ELOVL5: variants seen among roughly 807,000 people sequenced by gnomAD.
ELOVL5 encodes ELOVL fatty acid elongase 5, also known as very long chain fatty acid elongase 5.
Under a neutral mutation model 38.6 loss-of-function variants are expected in ELOVL5, and 8 were observed. The ratio of observed to expected loss-of-function variants is 0.21; its 90% CI spans 0.12 to 0.37. The LOEUF is 0.37. Ranked by LOEUF, ELOVL5 falls within the 10% of genes least tolerant of loss-of-function variation. The probability of loss-of-function intolerance (pLI) is 1.00; values close to 1 mark genes in which losing one functional copy is unlikely to be tolerated. For missense variants in ELOVL5, 280 were observed against 367.8 expected (o/e 0.76, Z 1.95); for synonymous variants, 127 against 133.7 (o/e 0.95, Z 0.34).
rs957794325 is a variant in ELOVL5, at chr6:53,268,924, G to A, written c.*203C>T. The A allele has an allele frequency of 9.1e-6, 5 of 549,830 alleles. No individual in the cohort carries two copies. The highest frequency in any genetic ancestry group is 7.6e-5 in the African/African-American group (4 of 52,362). 34.1% of individuals were successfully genotyped at this position (549,830 alleles called of 1,614,324 possible). A position where few individuals can be genotyped will look rare whatever the true frequency, so the allele number is the denominator to read the frequency against. On this transcript the variant is annotated 3_prime_UTR_variant, in exon 8 of 8. Coordinates refer to ENST00000304434, the MANE Select transcript of ELOVL5 (RefSeq NM_021814.5). The stretch of plus-strand genomic sequence containing the variant: ...CACAGTCTAGCGCAGGGGTCAGAGA[G>A]CCCAGAAATGTTAGAAATCTTATCC...
intron 1 of ELOVL5, among the ~76,000 whole-genome samples, chr6:53,314,844 C>T (rs1444429033): frequency 6.6e-6 from 1 of 152,212 alleles, no homozygotes; most frequent in Non-Finnish European, 1.5e-5. Flanking sequence ...TAATATCCTA[C>T]TTTGATTTGG....
intron 2 of ELOVL5, among the ~76,000 whole-genome samples, chr6:53,292,802 T>C (rs1240468533): frequency 6.6e-6 from 1 of 151,490 alleles, no homozygotes; most frequent in Non-Finnish European, 1.5e-5. Context: ...AAAATGAAAA[T>C]AAAAACAAAA....
intron 5 of ELOVL5, among the ~76,000 whole-genome samples, chr6:53,273,575 G>A (rs560684430): frequency 1.3e-4 from 20 of 152,340 alleles, no homozygotes; most frequent in African/African-American, 4.1e-4. Context: ...AGCTGTAGCT[G>A]CTAGAGGGGC....
chr6:53,316,077 T>A (rs558498441), intron 1 of ELOVL5, among the ~76,000 whole-genome samples: 1 of 152,330 alleles, frequency 6.6e-6, no homozygotes, highest in East Asian at 1.9e-4. Context: ...TTAAATGAGA[T>A]AATAAAATTG....
intron 1 of ELOVL5, among the ~76,000 whole-genome samples, chr6:53,341,921 A>C (rs1229911741): frequency 6.6e-6 from 1 of 152,152 alleles, no homozygotes; most frequent in African/African-American, 2.4e-5. Context: ...TTCTACATAG[A>C]TTCTAGGGTC....
At chr6:53,285,499 T>C (rs1156837062) in intron 3 of ELOVL5, among the ~76,000 whole-genome samples, 1 of 152,248 alleles carries the variant, frequency 6.6e-6, no homozygotes, top group African/African-American at 2.4e-5. Context: ...CAAGTGCTGC[T>C]ATAGAAGCTG....
At chr6:53,276,035 G>GTA (rs1766101953) in intron 4 of ELOVL5, 144 bp downstream of exon 4, 1 of 587,772 alleles carries the variant, frequency 1.7e-6, no homozygotes, top group Non-Finnish European at 3.0e-6. Flanking sequence ...AATTTGATGT[G>GTA]TATATATTGC....
At chr6:53,312,170 A>G (rs769233805) in intron 1 of ELOVL5, among the ~76,000 whole-genome samples, 2 of 152,242 alleles carry the variant, frequency 1.3e-5, no homozygotes, top group African/African-American at 2.4e-5. Context: ...ATTAAATATC[A>G]TGCCATAATT....
chr6:53,298,900 C>G (rs887196730), intron 1 of ELOVL5, among the ~76,000 whole-genome samples: 1,303 of 79,062 alleles, frequency 0.016, no homozygotes, highest in Non-Finnish European at 0.018. Context: ...GGGGGCAAGG[C>G]GGGGGGGGGG....
At chr6:53,317,982 C>A (rs1164183920) in intron 1 of ELOVL5, among the ~76,000 whole-genome samples, 1 of 152,004 alleles carries the variant, frequency 6.6e-6, no homozygotes, top group Non-Finnish European at 1.5e-5. Flanking sequence ...TTACTATGTG[C>A]CAGTCTTTCT....
At chr6:53,347,757 A>T (rs1769624286) in intron 1 of ELOVL5, among the ~76,000 whole-genome samples, 1 of 151,520 alleles carries the variant, frequency 6.6e-6, no homozygotes, top group South Asian at 2.1e-4. Context: ...CACTTTGCAT[A>T]ACTGGCCAAA....
intron 1 of ELOVL5, among the ~76,000 whole-genome samples, chr6:53,327,467 A>G (rs1768597583): frequency 6.6e-6 from 1 of 151,842 alleles, no homozygotes; most frequent in Non-Finnish European, 1.5e-5. Flanking sequence ...CATTTATAGG[A>G]AATATTCAGA....
chr6:53,289,100 GTTAATT>G (rs1405873289), intron 3 of ELOVL5, among the ~76,000 whole-genome samples: 1 of 152,130 alleles, frequency 6.6e-6, no homozygotes, highest in African/African-American at 2.4e-5. Context: ...TTAAGTGACA[GTTAATT>G]TTATTTTTAT....
rs567448572 is a variant in ELOVL5 at position 53,289,869 on chromosome 6, A to G, written c.246+1907T>C. On this transcript the variant is annotated intron_variant, in intron 3 of 7. Coordinates refer to ENST00000304434, the MANE Select transcript of ELOVL5 (RefSeq NM_021814.5). ...GTGAATACCATCAACTTGGAGCACTAGGGCTTATTTTCAACTTGGGTATAT... is the reference window on the plus strand; with the variant it reads ...GTGAATACCATCAACTTGGAGCACTGGGGCTTATTTTCAACTTGGGTATAT... 3.3e-5 allele frequency among the ~76,000 whole-genome samples: 5 copies of G among 152,366 alleles called. No individual in the cohort carries two copies. The South Asian group carries it at 1.0e-3, about 32-fold the overall frequency.
rs550426453 is a variant in ELOVL5 at position 53,284,528 on chromosome 6, C to G, written c.246+7248G>C. On this transcript the variant is annotated intron_variant, in intron 3 of 7. Coordinates refer to ENST00000304434, the MANE Select transcript of ELOVL5 (RefSeq NM_021814.5). ...TAAGTACAATAAAAAATAATGGTTA[C>G]AAAAATTCTACAAAGCAGTAAAGGA... 2.6e-5 allele frequency among the ~76,000 whole-genome samples: 4 copies of G among 152,040 alleles called. No individual in the cohort carries two copies. In the South Asian group the frequency reaches 8.3e-4, roughly 32 times the overall value.
chr6:53,294,817 T>C (rs578001250), intron 2 of ELOVL5, among the ~76,000 whole-genome samples: 29 of 152,300 alleles, frequency 1.9e-4, no homozygotes, highest in African/African-American at 6.7e-4. Context: ...ATATGTATCA[T>C]TGCATAACTA....
intron 1 of ELOVL5, among the ~76,000 whole-genome samples, chr6:53,308,983 A>G (rs1055282232): frequency 1.3e-5 from 2 of 152,016 alleles, no homozygotes; most frequent in African/African-American, 4.8e-5. Context: ...CATATTTTTC[A>G]AACACTGTGT....
chr6:53,329,078 G>A (rs920395844), intron 1 of ELOVL5, among the ~76,000 whole-genome samples: 4 of 152,190 alleles, frequency 2.6e-5, no homozygotes, highest in Non-Finnish European at 2.9e-5. Context: ...TATTTAGGCA[G>A]AAGGAAACAG....
chr6:53,305,334 C>G (rs1257607789), intron 1 of ELOVL5, among the ~76,000 whole-genome samples: 3 of 66,926 alleles, frequency 4.5e-5, no homozygotes, highest in Admixed American at 1.8e-4. Flanking sequence ...GGGGGCTGAC[C>G]CCCCCACCTC....
Sources: allele counts gnomAD v4.1 joint callset (sites outside exome capture counted in the v4.1 genomes callset), GRCh38; gene constraint gnomAD v4.1.1; transcripts MANE v1.5; gene names NCBI Gene and HGNC (gene_info 2026-07-23, HGNC 2026-07-21).